Variants in SMCO4 observed in about 807,000 individuals in gnomAD.
SMCO4 encodes single-pass membrane and coiled-coil domain-containing protein 4.
SMCO4 carries 4 observed loss-of-function variants against 3.6 expected under a neutral mutation model. The observed-to-expected ratio is 1.11, with a 90% CI of 0.54 to 2.53. The LOEUF (loss-of-function observed/expected upper bound fraction) is 2.53. SMCO4 is among the 30% of genes most tolerant of loss of function. SMCO4 has a pLI of 0.02. For synonymous variants in SMCO4, 36 were observed against 35.3 expected, an observed-to-expected ratio of 1.02 and a Z score of -0.07; for missense variants, 70 against 80.8, an observed-to-expected ratio of 0.87 and a Z score of 0.51.
chr11:93,487,737 G>A (rs181469500), intron 2 of SMCO4, among the ~76,000 whole-genome samples: 6 of 152,288 alleles, frequency 3.9e-5, no homozygotes, highest in Admixed American at 1.3e-4. Flanking sequence ...ACTGTGTTAT[G>A]TATTATTGTC....
chr11:93,524,938 C>G (rs1031715461), intron 1 of SMCO4, among the ~76,000 whole-genome samples: 3 of 152,194 alleles, frequency 2.0e-5, no homozygotes, highest in African/African-American at 7.2e-5. Context: ...AGAGTGACAT[C>G]ATAAAACATA....
intron 2 of SMCO4, among the ~76,000 whole-genome samples, chr11:93,493,265 T>C (rs894813209): frequency 6.6e-6 from 1 of 152,062 alleles, no homozygotes; most frequent in Non-Finnish European, 1.5e-5. Flanking sequence ...CCAGCTCCAG[T>C]CTTAGGTCCA....
chr11:93,535,645 G>A, intron 1 of SMCO4: 1 of 1,599,346 alleles, frequency 6.3e-7, no homozygotes. Context: ...TCTGTTAAGA[G>A]CTACCGATGG....
chr11:93,523,096 GGAGA>G, intron 1 of SMCO4, among the ~76,000 whole-genome samples: 1 of 152,278 alleles, frequency 6.6e-6, no homozygotes, highest in Non-Finnish European at 1.5e-5. Context: ...AATGTGGAAA[GGAGA>G]GAGAGGAGAA....
intron 1 of SMCO4, among the ~76,000 whole-genome samples, chr11:93,511,872 G>A (rs753328660): frequency 6.6e-6 from 1 of 152,166 alleles, no homozygotes; most frequent in Non-Finnish European, 1.5e-5. Context: ...TAAACTGCAC[G>A]GTAGGAGGAG....
rs556021546 is a variant in SMCO4 at position 93,490,105 on chromosome 11, C to A, written c.-81+9171G>T. Among the ~76,000 whole-genome samples, 26 of 152,284 alleles carry A rather than the reference C, an allele frequency of 1.7e-4. No homozygotes were observed. The South Asian group carries it at 5.4e-3, about 32-fold the overall frequency. ...TTTAAGGACAGGCCCTAAGATTGCA[C>A]GAAATCCTCTAGGTGCTCACAACCA... is the stretch of plus-strand genomic sequence containing the variant. On this transcript the variant is annotated intron_variant, in intron 2 of 2. Coordinates refer to ENST00000298966, the MANE Select transcript of SMCO4 (RefSeq NM_020179.3).
chr11:93,510,272 G>A (rs1198877784), intron 1 of SMCO4, among the ~76,000 whole-genome samples: 2 of 152,220 alleles, frequency 1.3e-5, no homozygotes, highest in Non-Finnish European at 2.9e-5. Flanking sequence ...GCCTAGGCCA[G>A]AAAGCTCTCC....
intron 2 of SMCO4, among the ~76,000 whole-genome samples, chr11:93,483,101 G>A (rs564190791): frequency 3.3e-5 from 5 of 152,152 alleles, no homozygotes; most frequent in Non-Finnish European, 7.3e-5. Flanking sequence ...CACTGGGGGC[G>A]AGGGGTGGCT....
At chr11:93,488,560 G>T (rs2605604) in intron 2 of SMCO4, among the ~76,000 whole-genome samples, 77,314 of 151,700 alleles carry the variant, frequency 0.51, 20,542 homozygotes, top group East Asian at 0.85. Context: ...GTGAAAAAAA[G>T]AAAACAGACT....
upstream of SMCO4, among the ~76,000 whole-genome samples, chr11:93,547,730 G>T (rs990164062): frequency 2.0e-5 from 3 of 152,194 alleles, no homozygotes; most frequent in African/African-American, 7.2e-5. Context: ...CTTAATCCAT[G>T]TGATATTAAC....
Position 93,494,990 on chromosome 11 carries a change from C to T in SMCO4, c.-81+4286G>A, listed in dbSNP as rs187799688. Among the ~76,000 whole-genome samples the T allele has an allele frequency of 3.2e-3, 485 of 152,258 alleles. 3 individuals are homozygous for T. The highest frequency in any genetic ancestry group is 4.2e-3 in the Non-Finnish European group (288 of 68,030). ...TGCCCTCCACCACAGCAGCGACCCT[C>T]CTCAGTGTTCTCTGGCATGCCACAC... On this transcript the variant is annotated intron_variant, in intron 2 of 2. Coordinates refer to ENST00000298966, the MANE Select transcript of SMCO4 (RefSeq NM_020179.3).
At chr11:93,529,466 G>A (rs1294643815) in intron 1 of SMCO4, among the ~76,000 whole-genome samples, 1 of 152,084 alleles carries the variant, frequency 6.6e-6, no homozygotes, top group African/African-American at 2.4e-5. Flanking sequence ...GGGTCACAAT[G>A]ACATCGGCCT....
At chr11:93,535,810 G>C in intron 1 of SMCO4, 1 of 1,613,990 alleles carries the variant, frequency 6.2e-7, no homozygotes, top group Non-Finnish European at 8.5e-7. Context: ...AGCAGCAACA[G>C]CAGCACAGTA....
chr11:93,543,036 G>A (rs1949284231), intron 1 of SMCO4, among the ~76,000 whole-genome samples: 1 of 151,780 alleles, frequency 6.6e-6, no homozygotes, highest in South Asian at 2.1e-4. Flanking sequence ...GTCTCGAGCC[G>A]CGACGGGCAG....
chr11:93,484,460 G>A (rs1176572465), intron 2 of SMCO4, among the ~76,000 whole-genome samples: 3 of 152,142 alleles, frequency 2.0e-5, no homozygotes, highest in East Asian at 3.8e-4. Flanking sequence ...CTGGTTAAAC[G>A]ATCTTGGACA....
At chr11:93,498,151 G>A (rs951716822) in intron 2 of SMCO4, among the ~76,000 whole-genome samples, 66 of 152,272 alleles carry the variant, frequency 4.3e-4, no homozygotes, top group African/African-American at 1.5e-3. Context: ...AGATGAATAC[G>A]CAAAACAATC....
intron 2 of SMCO4, among the ~76,000 whole-genome samples, chr11:93,490,437 C>G (rs899152134): frequency 1.3e-5 from 2 of 152,164 alleles, no homozygotes; most frequent in African/African-American, 4.8e-5. Flanking sequence ...ATAACGGCAG[C>G]ACATGCAACA....
At chr11:93,513,113 T>C (rs1948973944) in intron 1 of SMCO4, among the ~76,000 whole-genome samples, 1 of 152,210 alleles carries the variant, frequency 6.6e-6, no homozygotes, top group Non-Finnish European at 1.5e-5. Context: ...TATAAGCCTA[T>C]TGTGGCTGCA....
At chr11:93,529,457 G>A (rs1287301366) in intron 1 of SMCO4, among the ~76,000 whole-genome samples, 15 of 152,044 alleles carry the variant, frequency 9.9e-5, no homozygotes, top group Admixed American at 9.8e-4. Flanking sequence ...TCCCCAGAGG[G>A]GTCACAATGA....
Sources: allele counts gnomAD v4.1 joint callset (sites outside exome capture counted in the v4.1 genomes callset), GRCh38; gene constraint gnomAD v4.1.1; transcripts MANE v1.5; gene names NCBI Gene and HGNC (gene_info 2026-07-23, HGNC 2026-07-21).